Variants in HSPBAP1 observed in about 807,000 individuals in gnomAD.
HSPBAP1 encodes HSPB1 associated protein 1, also known as HSPB1-associated protein 1.
In HSPBAP1, 27 loss-of-function variants were observed where a neutral mutation model predicts 45.2. The observed-to-expected ratio is 0.60, with a 90% CI of 0.44 to 0.82. HSPBAP1 has a LOEUF of 0.82. Ranked by LOEUF, HSPBAP1 falls within the 40% of genes least tolerant of loss-of-function variation. HSPBAP1 has a pLI of 0.00. For synonymous variants in HSPBAP1, 204 were observed against 202.7 expected (o/e 1.01, Z -0.06); for missense variants, 510 against 590.9 (o/e 0.86, Z 1.42).
intron 4 of HSPBAP1, chr3:122,758,895 CCAA>C: frequency 1.2e-4 from 15 of 129,848 alleles, no homozygotes; most frequent in South Asian, 3.4e-4. Flanking sequence ...CTCTAATTTA[CCAA>C]AAAAAAAAAA....
intron 6 of HSPBAP1, among the ~76,000 whole-genome samples, chr3:122,743,850 T>TA: frequency 6.6e-6 from 1 of 152,022 alleles, no homozygotes; most frequent in South Asian, 2.1e-4. Flanking sequence ...AAATGCAAGT[T>TA]ACTGATAAAA....
intron 3 of HSPBAP1, among the ~76,000 whole-genome samples, chr3:122,763,217 T>A (rs781730928): frequency 6.6e-6 from 1 of 152,206 alleles, no homozygotes; most frequent in Non-Finnish European, 1.5e-5. Context: ...TTTTATGAAA[T>A]TCTAGAACTG....
chr3:122,778,039 T>C, intron 1 of HSPBAP1, 133 bp from the exon 2 acceptor site: 1 of 643,354 alleles, frequency 1.6e-6, no homozygotes, highest in Admixed American at 2.9e-5. Context: ...TATACGTCAT[T>C]TACTGCTGTT....
chr3:122,768,442 G>A (rs1163596325), intron 3 of HSPBAP1, among the ~76,000 whole-genome samples: 3 of 152,182 alleles, frequency 2.0e-5, no homozygotes, highest in Non-Finnish European at 2.9e-5. Flanking sequence ...ACTCCAAACC[G>A]ACTCAAGCAC....
chr3:122,791,551 AC>A (rs1199992543), intron 1 of HSPBAP1, among the ~76,000 whole-genome samples: 1 of 152,276 alleles, frequency 6.6e-6, no homozygotes, highest in African/African-American at 2.4e-5. Context: ...AATGGAAAAA[AC>A]AAATAATAAA....
chr3:122,748,170 A>ACGCTTGAAGGCAGCGTGCT (rs1933983832), intron 6 of HSPBAP1, among the ~76,000 whole-genome samples: 1 of 152,194 alleles, frequency 6.6e-6, no homozygotes. Context: ...TGTTAAACAG[A>ACGCTTGAAGGCAGCGTGCT]CGCTTGAAGG....
At chr3:122,780,060 C>T (rs1412033809) in intron 1 of HSPBAP1, among the ~76,000 whole-genome samples, 1 of 152,122 alleles carries the variant, frequency 6.6e-6, no homozygotes, top group African/African-American at 2.4e-5. Flanking sequence ...GGCAGAGGGG[C>T]TCCTCACTTC....
intron 3 of HSPBAP1, among the ~76,000 whole-genome samples, chr3:122,764,525 A>G (rs944377360): frequency 3.3e-5 from 5 of 152,252 alleles, no homozygotes; most frequent in African/African-American, 1.2e-4. Context: ...GTACATTGAT[A>G]AACATACTAA....
chr3:122,740,118 G>T lies in HSPBAP1; in HGVS notation c.*227C>A. ...GACTTACATTTGACACAGGCTAAAA[G>T]TATGGGATGAGAGAGGAACAAAAGC... On this transcript the variant is annotated 3_prime_UTR_variant, in exon 8 of 8. Transcript: ENST00000306103. 3.4e-6 allele frequency: 1 copy of T among 298,006 alleles called. No individual in the cohort carries two copies. Among genetic ancestry groups the T allele is most frequent in the East Asian group, 6.2e-5 (1 of 16,028 alleles). The allele number at this position is 298,006 out of a possible 1,614,324, so 18.5% of individuals were successfully genotyped here. A position where few individuals can be genotyped will look rare whatever the true frequency, so the allele number is the denominator to read the frequency against.
intron 1 of HSPBAP1, among the ~76,000 whole-genome samples, chr3:122,781,035 A>G: frequency 1.5e-5 from 2 of 131,552 alleles, no homozygotes; most frequent in Non-Finnish European, 3.2e-5. Context: ...CCTAGATGGG[A>G]TGGCGGCCGG....
intron 2 of HSPBAP1, among the ~76,000 whole-genome samples, chr3:122,770,065 GAGA>G (rs1436157663): frequency 6.6e-6 from 1 of 152,216 alleles, no homozygotes; most frequent in African/African-American, 2.4e-5. Context: ...GTAGCAGGAA[GAGA>G]AGAATATTCA....
rs1238593977 is a variant in HSPBAP1 at position 122,789,465 on chromosome 3, TTTAAA to T, written c.64+4147_64+4151del. On this transcript the variant is annotated intron_variant, in intron 1 of 7. Coordinates refer to ENST00000306103, the MANE Select transcript of HSPBAP1 (RefSeq NM_024610.6). ...TGAGAGTAACATTTCACATTCAGAA[TTTAAA>T]TTAATTCTTAATTAACAATAAGTAG... Among the ~76,000 whole-genome samples the T allele has an allele frequency of 2.0e-5, 3 of 152,368 alleles. No homozygotes were observed. In the East Asian group the frequency reaches 5.8e-4, roughly 29 times the overall value.
intron 3 of HSPBAP1, among the ~76,000 whole-genome samples, chr3:122,760,208 GA>G (rs995549068): frequency 6.6e-6 from 1 of 151,906 alleles, no homozygotes; most frequent in Non-Finnish European, 1.5e-5. Flanking sequence ...TTGCAGCACA[GA>G]AAAATAGGGT....
intron 1 of HSPBAP1, among the ~76,000 whole-genome samples, chr3:122,784,774 T>C (rs577491616): frequency 6.6e-6 from 1 of 152,348 alleles, no homozygotes; most frequent in East Asian, 1.9e-4. Flanking sequence ...TGACTTGCCA[T>C]AAGAGAAGTC....
chr3:122,775,075 T>C (rs546773509), intron 2 of HSPBAP1, among the ~76,000 whole-genome samples: 2 of 152,032 alleles, frequency 1.3e-5, no homozygotes, highest in African/African-American at 4.8e-5. Context: ...TACGTAGCCA[T>C]TGAAAAATCA....
intron 2 of HSPBAP1, among the ~76,000 whole-genome samples, chr3:122,773,305 T>C: frequency 5.5e-5 from 1 of 18,142 alleles, no homozygotes; most frequent in South Asian, 2.2e-3. Flanking sequence ...ATAAATGTGT[T>C]TTTTTTTTTT....
chr3:122,785,924 C>T (rs1052925060), intron 1 of HSPBAP1, among the ~76,000 whole-genome samples: 15 of 151,950 alleles, frequency 9.9e-5, no homozygotes, highest in South Asian at 4.2e-4. Flanking sequence ...TGTGCACGCG[C>T]GCACATATGG....
At chr3:122,781,592 C>G (rs1935484600) in intron 1 of HSPBAP1, among the ~76,000 whole-genome samples, 4 of 152,164 alleles carry the variant, frequency 2.6e-5, no homozygotes, top group South Asian at 4.2e-4. Context: ...AGAGGGAGAA[C>G]AGGTAGTTTT....
At chr3:122,792,679 C>G (rs1398231396) in intron 1 of HSPBAP1, among the ~76,000 whole-genome samples, 1 of 152,082 alleles carries the variant, frequency 6.6e-6, no homozygotes, top group Non-Finnish European at 1.5e-5. Context: ...GCGAGACCAT[C>G]CTGGCCAACA....
Sources: gnomAD v4.1 joint callset for allele counts (sites outside exome capture counted in the v4.1 genomes callset) on GRCh38, gnomAD v4.1.1 for gene constraint, MANE v1.5 for transcripts, NCBI Gene and HGNC (gene_info 2026-07-23, HGNC 2026-07-21) for gene names.